FARS2: variants seen among roughly 807,000 people sequenced by gnomAD.
FARS2 encodes phenylalanine--tRNA ligase, mitochondrial.
Under a neutral mutation model 46.4 loss-of-function variants are expected in FARS2, and 40 were observed. That is an observed-to-expected ratio of 0.86 (90% CI 0.67 to 1.12). The LOEUF (loss-of-function observed/expected upper bound fraction) is 1.12, where lower values mean the gene tolerates loss of function less well. FARS2 is among the 50% of genes most tolerant of loss of function. The pLI is 0.00. For missense variants in FARS2, 513 were observed against 567.9 expected, an observed-to-expected ratio of 0.90 and a Z score of 0.98; for synonymous variants, 234 against 214.9, an observed-to-expected ratio of 1.09 and a Z score of -0.78.
At chr6:5,770,398 T>C (rs1312902556) in intron 6 of FARS2, among the ~76,000 whole-genome samples, 2 of 143,198 alleles carry the variant, frequency 1.4e-5, no homozygotes, top group Non-Finnish European at 3.0e-5. Flanking sequence ...GCCTCTGTTG[T>C]TGTTGCTGCT....
chr6:5,490,970 G>C lies in FARS2; in HGVS notation c.905-54210G>C, dbSNP rs60873473. The stretch of plus-strand genomic sequence containing the variant: ...ACTGCTCTTGGATTCCTGAGCATCA[G>C]AAACTGTGTGAGATAATTAATGTTT... On this transcript the variant is annotated intron_variant, in intron 4 of 6. Transcript: ENST00000274680. 6.9e-3 allele frequency among the ~76,000 whole-genome samples: 1,050 copies of C among 152,332 alleles called. 10 individuals are homozygous for C. The highest frequency in any genetic ancestry group is 0.023 in the African/African-American group (955 of 41,576).
At chr6:5,505,388 G>A (rs367882734) in intron 4 of FARS2, among the ~76,000 whole-genome samples, 51 of 152,236 alleles carry the variant, frequency 3.4e-4, no homozygotes, top group African/African-American at 1.2e-3. Flanking sequence ...TTGTCTGTCT[G>A]GCAATGGTCC....
rs114107240 is a variant in FARS2, at chr6:5,498,347, G to A, written c.905-46833G>A. Among the ~76,000 whole-genome samples, 565 of 152,210 alleles carry A rather than the reference G, an allele frequency of 3.7e-3. 7 individuals are homozygous for A. The highest frequency in any genetic ancestry group is 0.013 in the African/African-American group (540 of 41,538). ...GTGTCACTAGGCTTTTGCTTGTTTC[G>A]TTTTTAAGAGTTATCGTTCAAGAGC... is the stretch of plus-strand genomic sequence containing the variant. On this transcript the variant is annotated intron_variant, in intron 4 of 6. Transcript: ENST00000274680.
rs143543741 is a variant in FARS2 at position 5,411,459 on chromosome 6, C to T, written c.772+6758C>T. 2.2e-4 allele frequency among the ~76,000 whole-genome samples: 33 copies of T among 152,230 alleles called. 2 individuals carry two copies. The East Asian group carries it at 6.4e-3, about 29-fold the overall frequency. ...CAATTACATTCTGGGTAGCAAAGAC[C>T]ATTTAAAAACTTAAGGTTCACTCTT... On this transcript the variant is annotated intron_variant, in intron 3 of 6. Transcript: ENST00000274680.
chr6:5,277,952 G>A (rs1766451208), intron 1 of FARS2, among the ~76,000 whole-genome samples: 1 of 152,194 alleles, frequency 6.6e-6, no homozygotes, highest in Non-Finnish European at 1.5e-5. Flanking sequence ...TGGATACTTA[G>A]GAGTTTGATG....
At chr6:5,722,240 A>C (rs1191843821) in intron 6 of FARS2, among the ~76,000 whole-genome samples, 2 of 152,346 alleles carry the variant, frequency 1.3e-5, no homozygotes, top group East Asian at 3.9e-4. Flanking sequence ...GAAAAGGGCA[A>C]ATAAAGTCTT....
chr6:5,357,067 T>G (rs1462235036), intron 1 of FARS2, among the ~76,000 whole-genome samples: 1 of 152,170 alleles, frequency 6.6e-6, no homozygotes, highest in East Asian at 1.9e-4. Flanking sequence ...ATGTTCAGGA[T>G]ATGACTTACC....
At chr6:5,563,020 A>G (rs963578502) in intron 5 of FARS2, among the ~76,000 whole-genome samples, 1 of 151,778 alleles carries the variant, frequency 6.6e-6, no homozygotes, top group African/African-American at 2.4e-5. Flanking sequence ...TAAGGAGCAG[A>G]AAGTTTAATA....
chr6:5,454,897 T>A (rs1440618619), intron 4 of FARS2, among the ~76,000 whole-genome samples: 1 of 152,200 alleles, frequency 6.6e-6, no homozygotes. Context: ...CTGATGACCC[T>A]GTGACCCACT....
At chr6:5,658,256 C>CAA (rs3057209) in intron 6 of FARS2, among the ~76,000 whole-genome samples, 1 of 135,476 alleles carries the variant, frequency 7.4e-6, no homozygotes, top group Non-Finnish European at 1.6e-5. Flanking sequence ...AACTCTGTCT[C>CAA]AAAAAAAAAA....
At chr6:5,763,317 T>C (rs1161893157) in intron 6 of FARS2, among the ~76,000 whole-genome samples, 1 of 152,098 alleles carries the variant, frequency 6.6e-6, no homozygotes, top group African/African-American at 2.4e-5. Flanking sequence ...CTAGATGTGG[T>C]GGTGCATGCC....
At chr6:5,282,419 G>C (rs1426325366) in intron 1 of FARS2, among the ~76,000 whole-genome samples, 1 of 152,202 alleles carries the variant, frequency 6.6e-6, no homozygotes, top group Non-Finnish European at 1.5e-5. Flanking sequence ...GGAAGCGCCT[G>C]AGGTTGGTGG....
chr6:5,431,826 G>A (rs1763186997), intron 4 of FARS2: 1 of 390,704 alleles, frequency 2.6e-6, no homozygotes, highest in Non-Finnish European at 5.3e-6. Flanking sequence ...GAGCTGTGAG[G>A]TTTCTTTTTA....
At chr6:5,461,340 C>T (rs2150300571) in intron 4 of FARS2, among the ~76,000 whole-genome samples, 1 of 152,280 alleles carries the variant, frequency 6.6e-6, no homozygotes, top group Non-Finnish European at 1.5e-5. Flanking sequence ...ACGCCTGGCC[C>T]AGATATTTTA....
Position 5,341,257 on chromosome 6 carries a change from T to TTTTTTTTTC in FARS2, c.-21-27293_-21-27292insTTTTTTTTC, listed in dbSNP as rs552538194. On this transcript the variant is annotated intron_variant, in intron 1 of 6. Coordinates refer to ENST00000274680, the MANE Select transcript of FARS2 (RefSeq NM_006567.5). ...TATATTTTTTTTTTTTTTTTTTTTT[T>TTTTTTTTTC]CCCTGTGAGAGCAGTTGTTTTGAGA... 3.2e-3 allele frequency among the ~76,000 whole-genome samples: 181 copies of TTTTTTTTTC among 56,684 alleles called. 30 individuals are homozygous for TTTTTTTTTC. Among genetic ancestry groups the TTTTTTTTTC allele is most frequent in the Non-Finnish European group, 4.8e-3 (145 of 29,996 alleles). 37.2% of individuals were successfully genotyped at this position (56,684 alleles called of 152,430 possible).
chr6:5,418,416 T>G (rs1762360657), intron 3 of FARS2, among the ~76,000 whole-genome samples: 1 of 152,208 alleles, frequency 6.6e-6, no homozygotes, highest in Non-Finnish European at 1.5e-5. Context: ...AGTATAGAGT[T>G]TCGTCTGGGG....
intron 6 of FARS2, among the ~76,000 whole-genome samples, chr6:5,722,292 G>A (rs139614998): frequency 6.6e-6 from 1 of 152,292 alleles, no homozygotes; most frequent in East Asian, 1.9e-4. Context: ...CCCTGAAAGG[G>A]TTTTGGAGAC....
intron 1 of FARS2, among the ~76,000 whole-genome samples, chr6:5,265,317 G>T (rs900817736): frequency 6.6e-6 from 1 of 152,172 alleles, no homozygotes; most frequent in Admixed American, 6.5e-5. Context: ...TCTATTTAGA[G>T]AACTCTTAAG....
chr6:5,730,212 G>A lies in FARS2; in HGVS notation c.1218-41079G>A, dbSNP rs111289088. The stretch of plus-strand genomic sequence containing the variant: ...GCTGAGCTGCCCAATATCCATCCTG[G>A]GACAGCAGTGCCTTGGGAGCTAAAC... On this transcript the variant is annotated intron_variant, in intron 6 of 6. Coordinates refer to ENST00000274680, the MANE Select transcript of FARS2 (RefSeq NM_006567.5). 5.6e-3 allele frequency among the ~76,000 whole-genome samples: 853 copies of A among 152,290 alleles called. 9 individuals are homozygous for A. The highest frequency in any genetic ancestry group is 0.02 in the African/African-American group (812 of 41,542).
Sources: allele counts gnomAD v4.1 joint callset (sites outside exome capture counted in the v4.1 genomes callset), GRCh38; gene constraint gnomAD v4.1.1; transcripts MANE v1.5; gene names NCBI Gene and HGNC (gene_info 2026-07-23, HGNC 2026-07-21).